The following LRP1B variants were observed in gnomAD, a reference collection of about 807,000 sequenced individuals.
LRP1B encodes low-density lipoprotein receptor-related protein 1B.
LRP1B carries 217 observed loss-of-function variants against 556.6 expected under a neutral mutation model. That is an observed-to-expected ratio of 0.39 (90% CI 0.35 to 0.44). The LOEUF (loss-of-function observed/expected upper bound fraction) is 0.44. Ranked by LOEUF, LRP1B falls within the 20% of genes least tolerant of loss-of-function variation. The pLI is 1.00. For missense variants in LRP1B, 5,053 were observed against 5,620.8 expected (o/e 0.90, Z 3.23); for synonymous variants, 2,047 against 1,865.8 (o/e 1.10, Z -2.50).
At chr2:141,109,710 G>T (rs1700700716) in intron 7 of LRP1B, among the ~76,000 whole-genome samples, 1 of 151,188 alleles carries the variant, frequency 6.6e-6, no homozygotes, top group African/African-American at 2.4e-5. Context: ...CAAAAGATCA[G>T]AAAAAAAGGA....
intron 1 of LRP1B, among the ~76,000 whole-genome samples, chr2:142,099,287 T>C (rs1294381808): frequency 6.6e-6 from 1 of 151,890 alleles, no homozygotes; most frequent in African/African-American, 2.4e-5. Context: ...CAGTGGGCTT[T>C]ACCTTCAAAG....
intron 41 of LRP1B, among the ~76,000 whole-genome samples, chr2:140,652,475 C>T (rs996444917): frequency 6.6e-6 from 1 of 151,858 alleles, no homozygotes; most frequent in African/African-American, 2.4e-5. Context: ...CATTTTTAGA[C>T]ATATTCTGGA....
chr2:141,463,390 A>C (rs1681992368), intron 3 of LRP1B, among the ~76,000 whole-genome samples: 2 of 151,468 alleles, frequency 1.3e-5, no homozygotes, highest in South Asian at 4.1e-4. Flanking sequence ...ACAAATGAAA[A>C]TAGAAAAAGC....
At chr2:140,509,744 G>A (rs1408400132) in intron 52 of LRP1B, among the ~76,000 whole-genome samples, 184 bp downstream of exon 52, 1 of 152,228 alleles carries the variant, frequency 6.6e-6, no homozygotes, top group African/African-American at 2.4e-5. Context: ...ACATTGAACA[G>A]TAGTTAAAGA....
At chr2:140,340,616 A>G (rs1197844741) in intron 77 of LRP1B, among the ~76,000 whole-genome samples, 1 of 151,558 alleles carries the variant, frequency 6.6e-6, no homozygotes, top group Non-Finnish European at 1.5e-5. Context: ...GTTACCTGAG[A>G]GTAAACCTGT....
intron 62 of LRP1B, among the ~76,000 whole-genome samples, chr2:140,453,602 A>G (rs1686968639): frequency 6.6e-6 from 1 of 152,118 alleles, no homozygotes; most frequent in Admixed American, 6.5e-5. Context: ...GGTAAAGTTT[A>G]GTTGAAACAA....
intron 28 of LRP1B, among the ~76,000 whole-genome samples, chr2:140,850,618 C>T (rs1213257983): frequency 6.6e-6 from 1 of 152,144 alleles, no homozygotes; most frequent in Non-Finnish European, 1.5e-5. Context: ...TGCTAAACTA[C>T]ATAAACTACG....
rs1468149028 is a variant in LRP1B, at chr2:141,554,010, TTAA to T, written c.206-73480_206-73478del. 8.5e-4 allele frequency among the ~76,000 whole-genome samples: 119 copies of T among 139,346 alleles called. 1 individual carries two copies. Among genetic ancestry groups the T allele is most frequent in the Non-Finnish European group, 1.6e-3 (102 of 65,368 alleles). 91.4% of individuals were successfully genotyped at this position (139,346 alleles called of 152,430 possible). ...TAGATATAGATTATATATATCTATA[TTAA>T]TAGACAAGATATAGATTATATATCT... On this transcript the variant is annotated intron_variant, in intron 2 of 90. Coordinates refer to ENST00000389484, the MANE Select transcript of LRP1B (RefSeq NM_018557.3).
intron 1 of LRP1B, among the ~76,000 whole-genome samples, chr2:141,908,986 G>C (rs1574483652): frequency 1.3e-5 from 2 of 152,074 alleles, no homozygotes; most frequent in East Asian, 3.9e-4. Context: ...TAGCCATGGA[G>C]GTGTAAGAGT....
chr2:141,024,289 A>G (rs1698155854), intron 11 of LRP1B, among the ~76,000 whole-genome samples: 1 of 152,002 alleles, frequency 6.6e-6, no homozygotes, highest in Admixed American at 6.6e-5. Context: ...TTTTCATTCC[A>G]GATTTCTCCT....
chr2:141,063,614 G>T (rs1031810472), intron 7 of LRP1B, among the ~76,000 whole-genome samples: 2 of 151,626 alleles, frequency 1.3e-5, no homozygotes, highest in African/African-American at 4.8e-5. Context: ...TGGTATGCAC[G>T]CGTTCCCTCT....
At chr2:141,940,229 A>G (rs1700756586) in intron 1 of LRP1B, among the ~76,000 whole-genome samples, 1 of 152,166 alleles carries the variant, frequency 6.6e-6, no homozygotes, top group South Asian at 2.1e-4. Flanking sequence ...TATTTTTAAA[A>G]TATCTTGAAT....
intron 6 of LRP1B, among the ~76,000 whole-genome samples, chr2:141,201,782 A>G (rs1171948590): frequency 6.6e-6 from 1 of 152,150 alleles, no homozygotes; most frequent in African/African-American, 2.4e-5. Context: ...AGAGAAGAAG[A>G]TTCTGGACTG....
At chr2:140,877,614 ACT>A (rs1693349894) in intron 25 of LRP1B, among the ~76,000 whole-genome samples, 1 of 152,206 alleles carries the variant, frequency 6.6e-6, no homozygotes, top group African/African-American at 2.4e-5. Context: ...CCCTCTGCTC[ACT>A]GAGATCAATG....
rs750151930 is a variant in LRP1B at position 141,005,364 on chromosome 2, A to T, written c.2474T>A (p.Leu825His). The change falls in exon 15 of 91, where the codon CTT becomes CAT. Residue 825 changes from leucine to histidine, a missense_variant. By Grantham distance (99) the Leu-to-His change is moderately conservative (BLOSUM62 -3). Transcript: ENST00000389484. ...GRVCACADNQ[L>H]LDENGTTCTF... is the part of the protein sequence containing the mutation. The stretch of plus-strand genomic sequence containing the variant: ...GCAAGTTGTCCCATTTTCATCCAAA[A>T]GTTGATTATCGGCACAAGCACACAC... 6.2e-7 allele frequency: 1 copy of T among 1,610,174 alleles called. No individual in the cohort carries two copies. The highest frequency in any genetic ancestry group is 2.2e-5 in the East Asian group (1 of 44,594).
chr2:140,329,899 C>A (rs1405157566), intron 79 of LRP1B, among the ~76,000 whole-genome samples: 1 of 150,888 alleles, frequency 6.6e-6, no homozygotes, highest in African/African-American at 2.4e-5. Context: ...AAAACAAAAA[C>A]AAAAAAACTA....
intron 2 of LRP1B, among the ~76,000 whole-genome samples, chr2:141,730,569 C>T (rs559794571): frequency 6.6e-6 from 1 of 152,212 alleles, no homozygotes; most frequent in South Asian, 2.1e-4. Flanking sequence ...TTCTTGTTGT[C>T]CCTCCATCTC....
chr2:140,603,199 T>C (rs1682740457), intron 41 of LRP1B, among the ~76,000 whole-genome samples: 1 of 152,000 alleles, frequency 6.6e-6, no homozygotes. Context: ...AAGGTATTAA[T>C]GAGGGTGATT....
At chr2:141,112,991 A>G (rs751869900) in intron 7 of LRP1B, among the ~76,000 whole-genome samples, 8 of 152,234 alleles carry the variant, frequency 5.3e-5, no homozygotes, top group Non-Finnish European at 1.0e-4. Context: ...TGAAAAGGCA[A>G]ATTGATAATA....
Sources: allele counts gnomAD v4.1 joint callset (sites outside exome capture counted in the v4.1 genomes callset), GRCh38; gene constraint gnomAD v4.1.1; transcripts MANE v1.5; gene names NCBI Gene and HGNC (gene_info 2026-07-23, HGNC 2026-07-21).